FMN1: variants seen among roughly 807,000 people sequenced by gnomAD.
FMN1 encodes formin 1.
FMN1 carries 110 observed loss-of-function variants against 132.4 expected under a neutral mutation model. The ratio of observed to expected loss-of-function variants is 0.83; its 90% CI spans 0.71 to 0.97. The LOEUF (loss-of-function observed/expected upper bound fraction) is 0.97, where lower values mean the gene tolerates loss of function less well. FMN1 is among the 50% of genes least tolerant of loss of function. FMN1 has a pLI of 0.00. For missense variants in FMN1, 1,792 were observed against 1,705.3 expected (o/e 1.05, Z -0.90); for synonymous variants, 722 against 651.7 (o/e 1.11, Z -1.64).
chr15:32,886,299 A>G (rs1313226276), intron 16 of FMN1, among the ~76,000 whole-genome samples: 3 of 152,062 alleles, frequency 2.0e-5, no homozygotes, highest in African/African-American at 7.2e-5. Flanking sequence ...GTGGTACTTC[A>G]TGTGTTTTGG....
intron 18 of FMN1, among the ~76,000 whole-genome samples, chr15:32,799,852 G>A (rs866299649): frequency 6.6e-6 from 1 of 152,062 alleles, no homozygotes; most frequent in African/African-American, 2.4e-5. Context: ...AAGCTCATTT[G>A]CCATGAGCAA....
chr15:32,767,532 G>T lies in FMN1; in HGVS notation c.*6778C>A, dbSNP rs1335787392. The T allele has an allele frequency of 2.6e-5, 4 of 152,036 alleles. No individual in the cohort carries two copies. Among genetic ancestry groups the T allele is most frequent in the Non-Finnish European group, 5.9e-5 (4 of 67,994 alleles). 9.4% of individuals were successfully genotyped at this position (152,036 alleles called of 1,614,324 possible). On this transcript the variant is annotated 3_prime_UTR_variant, in exon 21 of 21. Transcript: ENST00000616417. ...TAGTCTAAATGAAAACTCAATGAAA[G>T]AAAAAGACTATGATAAACCAATGTT...
rs140317827 is a variant in FMN1 at position 32,854,827 on chromosome 15, T to C, written c.3928+2188A>G. 9.6e-3 allele frequency among the ~76,000 whole-genome samples: 1,462 copies of C among 151,914 alleles called. 26 individuals are homozygous for C. Among genetic ancestry groups the C allele is most frequent in the African/African-American group, 0.033 (1,366 of 41,402 alleles). On this transcript the variant is annotated intron_variant, in intron 17 of 20. Coordinates refer to ENST00000616417, the MANE Select transcript of FMN1 (RefSeq NM_001277313.2). Reference sequence around the variant, plus strand: ...TACCTGGGAGGCTGAGGCAGAAGAATTGCTTGAACCCGGGAGGTGGAGGTT... The same window carrying C: ...TACCTGGGAGGCTGAGGCAGAAGAACTGCTTGAACCCGGGAGGTGGAGGTT...
In FMN1 at chr15:33,051,517, C is replaced by T. The variant is rs28711683; in HGVS notation, c.2161+13440G>A. 6.3e-3 allele frequency among the ~76,000 whole-genome samples: 963 copies of T among 151,964 alleles called. 8 individuals are homozygous for T. Among genetic ancestry groups the T allele is most frequent in the Middle Eastern group, 0.017 (5 of 292 alleles). ...AGTGCCGCTCTAATAATTGGTCACACCTGGTGCCAGAGAAAGGCAGTCTCC... is the reference window on the plus strand; with the variant it reads ...AGTGCCGCTCTAATAATTGGTCACATCTGGTGCCAGAGAAAGGCAGTCTCC... On this transcript the variant is annotated intron_variant, in intron 6 of 20. Transcript: ENST00000616417.
intron 16 of FMN1, among the ~76,000 whole-genome samples, chr15:32,883,542 A>AAAAAAT (rs2059822161): frequency 1.5e-5 from 2 of 133,394 alleles, no homozygotes; most frequent in Non-Finnish European, 3.2e-5. Context: ...AAAAAAAAAA[A>AAAAAAT]GAATGAGATC....
chr15:33,127,418 T>A (rs1159875008), intron 4 of FMN1, among the ~76,000 whole-genome samples: 1 of 152,218 alleles, frequency 6.6e-6, no homozygotes, highest in South Asian at 2.1e-4. Flanking sequence ...CCAGAACAAC[T>A]ATTTCCTTGA....
rs1964079182 is a variant in FMN1, at chr15:33,143,232, T to TA, written c.1867+9815dup. Among the ~76,000 whole-genome samples, 3 of 152,054 alleles carry TA rather than the reference T, an allele frequency of 2.0e-5. 1 individual carries two copies. The highest frequency in any genetic ancestry group is 1.9e-4 in the East Asian group (1 of 5,188). On this transcript the variant is annotated intron_variant, in intron 4 of 20. Transcript: ENST00000616417. ...GAATAGTTTCAAGGTTAGTTAAAAA[T>TA]AAAAAAAGCATTTTCTAGCAAAATA...
chr15:33,043,530 C>T (rs1257986425), intron 6 of FMN1, among the ~76,000 whole-genome samples: 1 of 152,208 alleles, frequency 6.6e-6, no homozygotes, highest in East Asian at 1.9e-4. Context: ...CTGGGGACTC[C>T]CTGATTCACG....
At chr15:32,837,228 T>C in intron 17 of FMN1, 1 of 231,960 alleles carries the variant, frequency 4.3e-6, no homozygotes, top group Admixed American at 4.1e-5. Flanking sequence ...ATCGTTCTGT[T>C]ACTACCAAGA....
intron 17 of FMN1, chr15:32,837,012 T>G (rs954338335): frequency 8.7e-6 from 2 of 230,740 alleles, no homozygotes; most frequent in African/African-American, 4.6e-5. Context: ...AATTGTCTCC[T>G]GGGAGACACA....
chr15:33,099,905 C>G (rs1258743814), intron 4 of FMN1, among the ~76,000 whole-genome samples: 1 of 152,190 alleles, frequency 6.6e-6, no homozygotes, highest in African/African-American at 2.4e-5. Flanking sequence ...CCAGAATACA[C>G]AGCTGTGGGA....
intron 4 of FMN1, among the ~76,000 whole-genome samples, chr15:33,105,321 C>A (rs972410203): frequency 1.7e-4 from 26 of 152,012 alleles, no homozygotes; most frequent in African/African-American, 6.3e-4. Flanking sequence ...ATAAAACGGA[C>A]AATAAAAGGG....
chr15:32,889,826 AG>A (rs2059983167), intron 15 of FMN1, among the ~76,000 whole-genome samples: 1 of 152,170 alleles, frequency 6.6e-6, no homozygotes. Context: ...TGGTTACATG[AG>A]TAAGTTCTTT....
intron 9 of FMN1, among the ~76,000 whole-genome samples, chr15:32,962,141 T>A (rs2030638890): frequency 6.6e-6 from 1 of 151,662 alleles, no homozygotes; most frequent in African/African-American, 2.4e-5. Context: ...TTTACTTTTA[T>A]TTTTTGCCCT....
chr15:32,957,612 C>T (rs1046373280), intron 9 of FMN1, among the ~76,000 whole-genome samples: 1 of 152,026 alleles, frequency 6.6e-6, no homozygotes, highest in Non-Finnish European at 1.5e-5. Flanking sequence ...TAGGAATTGA[C>T]ACATTAATGC....
chr15:33,135,778 G>A (rs575038246), intron 4 of FMN1, among the ~76,000 whole-genome samples: 26 of 152,100 alleles, frequency 1.7e-4, no homozygotes, highest in South Asian at 1.5e-3. Context: ...CGTGCATTGC[G>A]TACCAATACT....
chr15:32,969,318 A>T lies in FMN1; in HGVS notation c.2383T>A (p.Cys795Ser), dbSNP rs748539811. ...KDVCISTDDD[C>S]PPKTFRNVCV... is the part of the protein sequence containing the mutation. ...ACATTTCTGAAGGTCTTTGGAGGGC[A>T]GTCATCATCGGTGGAAATGCACACA... Residue 795 changes from cysteine to serine, a missense_variant, in exon 8 of 21, where the codon TGC becomes AGC. Physicochemically the swap from Cys to Ser is moderately radical, Grantham distance 112. Transcript: ENST00000616417. 4.3e-6 allele frequency: 7 copies of T among 1,613,982 alleles called. No homozygotes were observed. Among genetic ancestry groups the T allele is most frequent in the Middle Eastern group, 1.6e-4 (1 of 6,062 alleles).
chr15:33,029,479 G>C lies in FMN1; in HGVS notation c.2162-21404C>G, dbSNP rs77141353. Among the ~76,000 whole-genome samples the C allele has an allele frequency of 8.3e-3, 1,259 of 152,134 alleles. 22 individuals are homozygous for C. The highest frequency in any genetic ancestry group is 0.029 in the African/African-American group (1,199 of 41,462). On this transcript the variant is annotated intron_variant, in intron 6 of 20. Transcript: ENST00000616417. ...GCGTGTAGACTAGGAACACACGCTA[G>C]GGATGGAGGACCTGTTTGTAACTAG...
intron 4 of FMN1, among the ~76,000 whole-genome samples, chr15:33,121,642 C>A (rs1276396854): frequency 1.3e-5 from 2 of 152,070 alleles, no homozygotes; most frequent in Non-Finnish European, 2.9e-5. Context: ...GATTCTCGTG[C>A]CTCAGCCTCC....
Sources: gnomAD v4.1 joint callset for allele counts (sites outside exome capture counted in the v4.1 genomes callset) on GRCh38, gnomAD v4.1.1 for gene constraint, MANE v1.5 for transcripts, NCBI Gene and HGNC (gene_info 2026-07-23, HGNC 2026-07-21) for gene names.